The following ARHGAP11A variants were observed in gnomAD, a reference collection of about 807,000 sequenced individuals.
ARHGAP11A encodes the protein rho GTPase-activating protein 11A.
In ARHGAP11A, 36 loss-of-function variants were observed where a neutral mutation model predicts 60.5. The observed-to-expected ratio is 0.59, with a 90% CI of 0.46 to 0.79. The LOEUF is 0.79. Ranked by LOEUF, ARHGAP11A falls within the 30% of genes least tolerant of loss-of-function variation. The probability of loss-of-function intolerance (pLI) is 0.00; values close to 1 mark genes in which losing one functional copy is unlikely to be tolerated. For missense variants in ARHGAP11A, 1,071 were observed against 1,199.2 expected, an observed-to-expected ratio of 0.89 and a Z score of 1.58; for synonymous variants, 362 against 415.5, an observed-to-expected ratio of 0.87 and a Z score of 1.57.
At chr15:32,631,471 T>C (rs1595771974) in intron 8 of ARHGAP11A, among the ~76,000 whole-genome samples, 1 of 152,064 alleles carries the variant, frequency 6.6e-6, no homozygotes, top group Non-Finnish European at 1.5e-5. Context: ...AATTTTCTTT[T>C]GCATTTTTAG....
Position 32,636,937 on chromosome 15 carries a change from G to C in ARHGAP11A, c.2164G>C (p.Glu722Gln). ...LSKQEFSSDEEIKKQQSPKDK... is the reference protein window; with the variant it reads ...LSKQEFSSDEQIKKQQSPKDK... ...CAAGCAAGAATTCTCCAGTGATGAA[G>C]AAATAAAGAAACAGCAGTCCCCAAA... The change falls in exon 12 of 12, where the codon GAA becomes CAA. Residue 722 changes from glutamate (E) to glutamine (Q), a missense_variant. Transcript: ENST00000361627. 6.2e-7 allele frequency: 1 copy of C among 1,610,578 alleles called. No individual in the cohort carries two copies. Among genetic ancestry groups the C allele is most frequent in the Non-Finnish European group, 8.5e-7 (1 of 1,179,130 alleles).
At chr15:32,617,591 CT>C (rs2053188451) in intron 1 of ARHGAP11A, among the ~76,000 whole-genome samples, 1 of 151,388 alleles carries the variant, frequency 6.6e-6, no homozygotes, top group African/African-American at 2.4e-5. Context: ...CCTGCCTCAG[CT>C]TCCCGAGTAG....
chr15:32,621,558 G>A (rs1174966674), intron 2 of ARHGAP11A, among the ~76,000 whole-genome samples: 8 of 152,286 alleles, frequency 5.3e-5, no homozygotes, highest in Non-Finnish European at 1.2e-4. Flanking sequence ...GGGCGCCGGG[G>A]CTCACGCCTG....
Position 32,634,107 on chromosome 15 carries a change from C to G in ARHGAP11A, c.1344+66C>G, listed in dbSNP as rs1405679179. 2.9e-6 allele frequency: 3 copies of G among 1,046,726 alleles called. No individual in the cohort carries two copies. The African/African-American group carries it at 5.0e-5, about 17-fold the overall frequency. 64.8% of individuals were successfully genotyped at this position (1,046,726 alleles called of 1,614,324 possible). A position where few individuals can be genotyped will look rare whatever the true frequency, so the allele number is the denominator to read the frequency against. ...ACGCTATAAACTTGATACTAAAAAA[C>G]ACTCATAGCCCTACCTTCCTTCCAG... On this transcript the variant is annotated intron_variant, in intron 10 of 11. Transcript: ENST00000361627.
At position 32,636,301 on chromosome 15, in the gene ARHGAP11A, G is replaced by T; in HGVS notation, c.1528G>T (p.Glu510Ter). The T allele has an allele frequency of 6.2e-7, 1 of 1,612,752 alleles. No individual in the cohort carries two copies. Among genetic ancestry groups the T allele is most frequent in the Non-Finnish European group, 8.5e-7 (1 of 1,179,614 alleles). Residue 510 changes from glutamate to a stop codon, truncating the protein, a stop_gained, in exon 12 of 12, where the codon GAG (glutamate) becomes TAG (stop). Coordinates refer to ENST00000361627, the MANE Select transcript of ARHGAP11A (RefSeq NM_014783.6). LOFTEE classifies it low-confidence loss of function (END_TRUNC). ...GTCTGAGGAAACCTTACTAACTCCAGAGCGACTAGTTGGAACAAATTACCG... is the reference window on the plus strand; with the variant it reads ...GTCTGAGGAAACCTTACTAACTCCATAGCGACTAGTTGGAACAAATTACCG... Reference protein sequence around the residue: ...SKSEETLLTPERLVGTNYRMS... With the variant: ...SKSEETLLTP
In ARHGAP11A at chr15:32,632,976, T is replaced by C. The variant is rs754515349; in HGVS notation, c.1106-3T>C. On this transcript the variant is annotated splice_polypyrimidine_tract_variant and splice_region_variant and intron_variant, in intron 8 of 11. Transcript: ENST00000361627. ...GGTATATTACATGTGGTTATTTTTG[T>C]AGTTCACATCGATACAAGCTCAGAA... 6.2e-7 allele frequency: 1 copy of C among 1,610,130 alleles called. No individual in the cohort carries two copies. The highest frequency in any genetic ancestry group is 8.5e-7 in the Non-Finnish European group (1 of 1,178,286).
chr15:32,637,237 C>T lies in ARHGAP11A; in HGVS notation c.2464C>T (p.Pro822Ser). 6.2e-7 allele frequency: 1 copy of T among 1,614,188 alleles called. No individual in the cohort carries two copies. Among genetic ancestry groups the T allele is most frequent in the Non-Finnish European group, 8.5e-7 (1 of 1,180,030 alleles). Residue 822 changes from proline (P) to serine (S), a missense_variant, in exon 12 of 12, where the codon CCA (proline) becomes TCA (serine). Physicochemically the swap from Pro to Ser is moderately conservative, Grantham distance 74. This residue lies in a region of ARHGAP11A where 776 missense variants were observed against 760.2 expected (regional missense o/e 1.02). Coordinates refer to ENST00000361627, the MANE Select transcript of ARHGAP11A (RefSeq NM_014783.6). ...GTTTAACAAGCTTTCTTTAAATGAA[C>T]CAAATAGAATAAAAGTCAAGTCACC... ...QWFNKLSLNE[P>S]NRIKVKSPLK...
Position 32,632,961 on chromosome 15 carries a change from A to G in ARHGAP11A, c.1106-18A>G, listed in dbSNP as rs1157899712. On this transcript the variant is annotated intron_variant, in intron 8 of 11. Coordinates refer to ENST00000361627, the MANE Select transcript of ARHGAP11A (RefSeq NM_014783.6). ...AAAATAGATATGTGTGGTATATTAC[A>G]TGTGGTTATTTTTGTAGTTCACATC... 2.5e-6 allele frequency: 4 copies of G among 1,605,584 alleles called. No individual in the cohort carries two copies. The highest frequency in any genetic ancestry group is 1.7e-4 in the Middle Eastern group (1 of 6,040).
intron 5 of ARHGAP11A, 63 bp downstream of exon 5, chr15:32,625,306 A>C: frequency 2.0e-6 from 3 of 1,521,766 alleles, no homozygotes; most frequent in Non-Finnish European, 2.7e-6. Context: ...GTTTCTTTCA[A>C]AGGAACTATG....
At chr15:32,631,162 C>T (rs1308444930) in intron 8 of ARHGAP11A, among the ~76,000 whole-genome samples, 1 of 152,224 alleles carries the variant, frequency 6.6e-6, no homozygotes, top group Non-Finnish European at 1.5e-5. Flanking sequence ...TTCTCAGCCA[C>T]AATTCAACAA....
chr15:32,629,659 T>G lies in ARHGAP11A; in HGVS notation c.1002T>G (p.Ser334=). 6.2e-7 allele frequency: 1 copy of G among 1,613,682 alleles called. No individual in the cohort carries two copies. The highest frequency in any genetic ancestry group is 8.5e-7 in the Non-Finnish European group (1 of 1,179,804). Residue 334 remains serine, a synonymous_variant, in exon 8 of 12, where the codon TCT becomes TCG. Transcript: ENST00000361627. ...PNAKRTLPVD[S]SHGFSSKKRK... is the part of the protein sequence containing the mutation. Reference sequence around the variant, plus strand: ...CTAAGCGTACATTGCCAGTAGATTCTTCTCATGGTTTCTCAAGTAAGAAAA... The same window carrying G: ...CTAAGCGTACATTGCCAGTAGATTCGTCTCATGGTTTCTCAAGTAAGAAAA...
Position 32,620,149 on chromosome 15 carries a change from T to C in ARHGAP11A, c.171T>C (p.Ser57=). 2 of 1,612,408 alleles carry C rather than the reference T, an allele frequency of 1.2e-6. No homozygotes were observed. The highest frequency in any genetic ancestry group is 1.7e-6 in the Non-Finnish European group (2 of 1,179,190). Residue 57 remains serine (S), a synonymous_variant, in exon 2 of 12, where the codon TCT becomes TCC. Coordinates refer to ENST00000361627, the MANE Select transcript of ARHGAP11A (RefSeq NM_014783.6). The stretch of plus-strand genomic sequence containing the variant: ...TACCTTTTAATGCACTGCCCCATTC[T>C]GCTGTACCAGAATATGGACACATTC... ...FGVPFNALPH[S]AVPEYGHIPS... is the part of the protein sequence containing the mutation.
chr15:32,637,327 A>G lies in ARHGAP11A; in HGVS notation c.2554A>G (p.Ser852Gly). 6.2e-7 allele frequency: 1 copy of G among 1,614,252 alleles called. No homozygotes were observed. ...VRRINSLLEY[S>G]RQPTGHKLAS... ...AAGAATTAATTCTTTGTTGGAGTAT[A>G]GCAGACAACCTACAGGGCATAAGTT... Residue 852 changes from serine to glycine, a missense_variant, in exon 12 of 12, where the codon AGC (serine) becomes GGC (glycine). Coordinates refer to ENST00000361627, the MANE Select transcript of ARHGAP11A (RefSeq NM_014783.6).
In ARHGAP11A at chr15:32,623,710, C is replaced by T. The variant is rs1435630713; in HGVS notation, c.297+122C>T. 3.4e-6 allele frequency: 3 copies of T among 894,766 alleles called. No homozygotes were observed. In the East Asian group the frequency reaches 8.9e-5, roughly 27 times the overall value. The allele number at this position is 894,766 out of a possible 1,614,324, so 55.4% of individuals were successfully genotyped here. On this transcript the variant is annotated intron_variant, in intron 3 of 11. Coordinates refer to ENST00000361627, the MANE Select transcript of ARHGAP11A (RefSeq NM_014783.6). The stretch of plus-strand genomic sequence containing the variant: ...ACAGAAATTGAATTTGCATTTTTTT[C>T]ATGGCAGAAGATTTTTTTTTTCCAA...
intron 11 of ARHGAP11A, 124 bp downstream of exon 11, chr15:32,636,039 A>T: frequency 2.2e-6 from 3 of 1,386,238 alleles, no homozygotes; most frequent in Non-Finnish European, 2.8e-6. Context: ...GAATAGTGAA[A>T]ATATTAGAAT....
At chr15:32,619,851 C>G (rs906171763) in intron 1 of ARHGAP11A, among the ~76,000 whole-genome samples, 32 of 151,930 alleles carry the variant, frequency 2.1e-4, no homozygotes, top group African/African-American at 7.7e-4. Flanking sequence ...AGATTGGAAA[C>G]TTGAGTTTAC....
intron 1 of ARHGAP11A, among the ~76,000 whole-genome samples, chr15:32,617,471 CTTTTTT>C (rs1168851603): frequency 2.0e-5 from 2 of 102,008 alleles, no homozygotes; most frequent in African/African-American, 3.8e-5. Flanking sequence ...TTTTCTTTTC[CTTTTTT>C]TTTTTTTTTT....
chr15:32,627,530 C>A (rs2053490975), intron 6 of ARHGAP11A, among the ~76,000 whole-genome samples: 2 of 152,054 alleles, frequency 1.3e-5, no homozygotes, highest in African/African-American at 4.8e-5. Flanking sequence ...GAGATCGAGA[C>A]CATCCTAGCT....
At position 32,624,319 on chromosome 15, in the gene ARHGAP11A, C is replaced by G; in HGVS notation, c.444C>G (p.Gly148=). 2 of 1,613,860 alleles carry G rather than the reference C, an allele frequency of 1.2e-6. No individual in the cohort carries two copies. Among genetic ancestry groups the G allele is most frequent in the East Asian group, 4.5e-5 (2 of 44,868 alleles). The part of the protein sequence containing the change: ...HEALLKAQQL[G]TEEKNKATLL... ...CACTTTTGAAAGCTCAACAGTTAGG[C>G]ACAGAGGAAAAGAATAAAGCTACAC... The change falls in exon 4 of 12, where the codon GGC becomes GGG. Residue 148 remains glycine (G), a synonymous_variant. Coordinates refer to ENST00000361627, the MANE Select transcript of ARHGAP11A (RefSeq NM_014783.6).
Sources: gnomAD v4.1 joint callset for allele counts (sites outside exome capture counted in the v4.1 genomes callset) on GRCh38, gnomAD v4.1.1 for gene constraint, gnomAD v4.1.1 regional missense constraint, MANE v1.5 for transcripts, NCBI Gene and HGNC (gene_info 2026-07-23, HGNC 2026-07-21) for gene names.